GABRB1: variants seen among roughly 807,000 people sequenced by gnomAD.
The protein encoded by GABRB1 is gamma-aminobutyric acid type A receptor subunit beta1, also known as gamma-aminobutyric acid receptor subunit beta-1.
In GABRB1, 17 loss-of-function variants were observed where a neutral mutation model predicts 51.6. The ratio of observed to expected loss-of-function variants is 0.33; its 90% confidence interval spans 0.23 to 0.49. The LOEUF is 0.49. GABRB1 is among the 20% of genes least tolerant of loss of function. The pLI is 0.99. For missense variants in GABRB1, 410 were observed against 600.6 expected (o/e 0.68, Z 3.32); for synonymous variants, 247 against 218.9 (o/e 1.13, Z -1.14).
chr4:47,223,846 T>C (rs948199918), intron 4 of GABRB1, among the ~76,000 whole-genome samples: 19 of 152,118 alleles, frequency 1.2e-4, no homozygotes, highest in Admixed American at 1.0e-3. Flanking sequence ...GAGAAATCTG[T>C]CTTCAGTTGA....
In GABRB1 at chr4:47,184,967, G is replaced by T. The variant is rs114268989; in HGVS notation, c.461+23498G>T. The stretch of plus-strand genomic sequence containing the variant: ...AAAACGATTACTTTGCTATACCATG[G>T]TTATGTGTTTCACTTTTTATTACCT... On this transcript the variant is annotated intron_variant, in intron 4 of 8. Transcript: ENST00000295454. Among the ~76,000 whole-genome samples, 961 of 151,820 alleles carry T rather than the reference G, an allele frequency of 6.3e-3. 5 individuals carry two copies. The highest frequency in any genetic ancestry group is 0.022 in the African/African-American group (908 of 41,458).
chr4:47,001,336 G>T (rs552529452), intron 1 of GABRB1, among the ~76,000 whole-genome samples: 18 of 152,042 alleles, frequency 1.2e-4, no homozygotes, highest in Admixed American at 1.1e-3. Flanking sequence ...TAGAGATGTG[G>T]TTTCACCGTG....
At chr4:47,332,047 C>A (rs1289799201) in intron 5 of GABRB1, among the ~76,000 whole-genome samples, 3 of 152,190 alleles carry the variant, frequency 2.0e-5, no homozygotes. Context: ...GAAGCAAACA[C>A]CTGAGAAGAA....
chr4:47,295,714 T>G (rs1249408560), intron 4 of GABRB1, among the ~76,000 whole-genome samples: 1 of 152,132 alleles, frequency 6.6e-6, no homozygotes, highest in Non-Finnish European at 1.5e-5. Context: ...AAGTCCTCAA[T>G]CTAGCAAGGC....
chr4:47,413,093 T>A (rs1419929726), intron 8 of GABRB1, among the ~76,000 whole-genome samples: 4 of 152,238 alleles, frequency 2.6e-5, no homozygotes, highest in African/African-American at 9.6e-5. Flanking sequence ...GCATTCACCG[T>A]GAAAGCTTCC....
At chr4:47,420,531 T>C (rs1729060434) in intron 8 of GABRB1, among the ~76,000 whole-genome samples, 1 of 152,212 alleles carries the variant, frequency 6.6e-6, no homozygotes, top group African/African-American at 2.4e-5. Context: ...TGCCTCAAGG[T>C]TTAAAAATCT....
chr4:47,270,708 C>T (rs1230640869), intron 4 of GABRB1, among the ~76,000 whole-genome samples: 2 of 152,156 alleles, frequency 1.3e-5, no homozygotes, highest in Non-Finnish European at 2.9e-5. Flanking sequence ...TTGGAACATT[C>T]GGTACTCTTG....
At chr4:47,055,678 G>C (rs537234468) in intron 3 of GABRB1, among the ~76,000 whole-genome samples, 2 of 152,208 alleles carry the variant, frequency 1.3e-5, no homozygotes, top group Admixed American at 1.3e-4. Flanking sequence ...CCATGAGTTA[G>C]GAAAATTCTC....
chr4:47,394,293 A>C (rs1301729041), intron 5 of GABRB1, among the ~76,000 whole-genome samples: 1 of 152,230 alleles, frequency 6.6e-6, no homozygotes, highest in African/African-American at 2.4e-5. Flanking sequence ...ACAAGAGCAA[A>C]GGTTCCTATT....
chr4:47,318,948 T>C (rs1002655911), intron 4 of GABRB1, among the ~76,000 whole-genome samples: 2 of 152,064 alleles, frequency 1.3e-5, no homozygotes, highest in Admixed American at 6.6e-5. Flanking sequence ...TCTATGCAAA[T>C]AGAAGCACAG....
intron 4 of GABRB1, among the ~76,000 whole-genome samples, chr4:47,257,402 G>A (rs550243623): frequency 1.1e-4 from 17 of 152,052 alleles, no homozygotes; most frequent in Non-Finnish European, 2.2e-4. Flanking sequence ...ATTCTACTTT[G>A]AGCTTTGAGT....
intron 3 of GABRB1, among the ~76,000 whole-genome samples, chr4:47,156,288 G>A (rs1324864493): frequency 1.3e-5 from 2 of 151,638 alleles, no homozygotes; most frequent in Non-Finnish European, 2.9e-5. Context: ...ATCTCATTGT[G>A]GTTTTGATTT....
At chr4:47,138,012 A>C (rs1037022124) in intron 3 of GABRB1, among the ~76,000 whole-genome samples, 1 of 152,122 alleles carries the variant, frequency 6.6e-6, no homozygotes, top group Non-Finnish European at 1.5e-5. Context: ...TAAGTTGTCC[A>C]GAAAAAGTAT....
At chr4:47,254,257 C>A (rs1417370506) in intron 4 of GABRB1, among the ~76,000 whole-genome samples, 3 of 151,754 alleles carry the variant, frequency 2.0e-5, no homozygotes, top group Non-Finnish European at 2.9e-5. Flanking sequence ...AACCCTGATA[C>A]CCCTGTCCCC....
At chr4:47,131,588 C>A (rs951252932) in intron 3 of GABRB1, among the ~76,000 whole-genome samples, 5 of 152,068 alleles carry the variant, frequency 3.3e-5, no homozygotes, top group Admixed American at 1.3e-4. Flanking sequence ...TACTTAATAT[C>A]ATTGTCTCTT....
At chr4:47,198,958 G>A (rs980796903) in intron 4 of GABRB1, among the ~76,000 whole-genome samples, 13 of 152,112 alleles carry the variant, frequency 8.5e-5, no homozygotes, top group African/African-American at 2.7e-4. Context: ...GAGAATTCAC[G>A]CACTATCATG....
At chr4:47,087,671 T>C (rs1176520988) in intron 3 of GABRB1, among the ~76,000 whole-genome samples, 1 of 151,816 alleles carries the variant, frequency 6.6e-6, no homozygotes, top group African/African-American at 2.4e-5. Context: ...TATTATGGAG[T>C]TTTCCTTTGA....
chr4:47,121,302 G>T (rs887701142), intron 3 of GABRB1, among the ~76,000 whole-genome samples: 1 of 152,122 alleles, frequency 6.6e-6, no homozygotes, highest in African/African-American at 2.4e-5. Flanking sequence ...CAAGCACATA[G>T]ATTCTCTCTC....
intron 3 of GABRB1, among the ~76,000 whole-genome samples, chr4:47,144,676 T>C (rs1158225093): frequency 1.3e-5 from 2 of 151,894 alleles, no homozygotes; most frequent in Non-Finnish European, 2.9e-5. Context: ...AAAACTGGAA[T>C]CGAATTTAGA....
Sources: gnomAD v4.1 joint callset for allele counts (sites outside exome capture counted in the v4.1 genomes callset) on GRCh38, gnomAD v4.1.1 for gene constraint, MANE v1.5 for transcripts, NCBI Gene and HGNC (gene_info 2026-07-23, HGNC 2026-07-21) for gene names.